SOWAHC: variants seen among roughly 807,000 people sequenced by gnomAD.
SOWAHC encodes the protein sosondowah ankyrin repeat domain family member C.
In SOWAHC, 12 loss-of-function variants were observed where a neutral mutation model predicts 14.4. The ratio of observed to expected loss-of-function variants is 0.83; its 90% confidence interval spans 0.53 to 1.35. The LOEUF (loss-of-function observed/expected upper bound fraction) is 1.35, where lower values mean the gene tolerates loss of function less well. Among genes scored for constraint, SOWAHC ranks in the 40% most tolerant of loss-of-function variants. The pLI, the probability that SOWAHC is intolerant of heterozygous loss-of-function variation, is 0.00. For synonymous variants in SOWAHC, 398 were observed against 347.0 expected, an observed-to-expected ratio of 1.15 and a Z score of -1.63; for missense variants, 771 against 752.8, an observed-to-expected ratio of 1.02 and a Z score of -0.28.
Position 109,614,900 on chromosome 2 carries a change from A to T in SOWAHC, c.411A>T (p.Gly137=), listed in dbSNP as rs527844748. 5 of 1,441,468 alleles carry T rather than the reference A, an allele frequency of 3.5e-6. No individual in the cohort carries two copies. The highest frequency in any genetic ancestry group is 4.5e-6 in the Non-Finnish European group (5 of 1,108,094). 89.3% of individuals were successfully genotyped at this position (1,441,468 alleles called of 1,614,324 possible). A position where few individuals can be genotyped will look rare whatever the true frequency, so the allele number is the denominator to read the frequency against. ...LPGQGRELGE[G]EPPAPAHWPP... is the part of the protein sequence containing the mutation. ...GACAGGGCCGCGAGCTGGGCGAGGG[A>T]GAGCCCCCCGCCCCCGCGCACTGGC... is the stretch of plus-strand genomic sequence containing the variant. The change falls in exon 1 of 1, where the codon GGA becomes GGT. Residue 137 remains glycine (G), a synonymous_variant. Transcript: ENST00000356454.
At position 109,614,954 on chromosome 2, in the gene SOWAHC, G is replaced by C. The variant is rs1228833333; in HGVS notation, c.465G>C (p.Lys155Asn). Residue 155 changes from lysine to asparagine, a missense_variant, in exon 1 of 1, where the codon AAG becomes AAC. Coordinates refer to ENST00000356454, the MANE Select transcript of SOWAHC (RefSeq NM_023016.4). ...WPPLSAGARR[K>N]NSRRDVQPLP... ...CCCTGAGCGCCGGGGCTCGCAGGAA[G>C]AACTCGCGGCGCGACGTGCAGCCCC... 3.9e-6 allele frequency: 6 copies of C among 1,525,590 alleles called. No homozygotes were observed. The highest frequency in any genetic ancestry group is 2.8e-5 in the African/African-American group (2 of 71,750). 94.5% of individuals were successfully genotyped at this position (1,525,590 alleles called of 1,614,324 possible).
Position 109,614,688 on chromosome 2 carries a change from C to T in SOWAHC, c.199C>T (p.Arg67Cys). Residue 67 changes from arginine to cysteine, a missense_variant, in exon 1 of 1, where the codon CGC (arginine) becomes TGC (cysteine). Arg to Cys is a radical substitution (Grantham distance 180). Coordinates refer to ENST00000356454, the MANE Select transcript of SOWAHC (RefSeq NM_023016.4). ...KELVNAVATV[R>C]VDPADGAKYV... ...GCTGGTGAACGCCGTGGCCACTGTGCGCGTCGATCCCGCCGACGGCGCCAA... is the reference window on the plus strand; with the variant it reads ...GCTGGTGAACGCCGTGGCCACTGTGTGCGTCGATCCCGCCGACGGCGCCAA... The T allele has an allele frequency of 6.7e-7, 1 of 1,487,540 alleles. No homozygotes were observed. The highest frequency in any genetic ancestry group is 2.9e-5 in the East Asian group (1 of 34,300). 92.1% of individuals were successfully genotyped at this position (1,487,540 alleles called of 1,614,324 possible).
Position 109,614,972 on chromosome 2 carries a change from G to A in SOWAHC, c.483G>A (p.Val161=). The A allele has an allele frequency of 6.5e-7, 1 of 1,537,402 alleles. No homozygotes were observed. Among genetic ancestry groups the A allele is most frequent in the African/African-American group, 1.4e-5 (1 of 72,870 alleles). ...GCAGGAAGAACTCGCGGCGCGACGT[G>A]CAGCCCCTACCGCGGACTCCAGCCC... ...GARRKNSRRD[V]QPLPRTPAPG... is the part of the protein sequence containing the mutation. Residue 161 remains valine (V), a synonymous_variant, in exon 1 of 1, where the codon GTG becomes GTA. Transcript: ENST00000356454.
At position 109,616,257 on chromosome 2, in the gene SOWAHC, C is replaced by G; in HGVS notation, c.*190C>G. The G allele has an allele frequency of 1.1e-6, 1 of 890,064 alleles. No homozygotes were observed. 55.1% of individuals were successfully genotyped at this position (890,064 alleles called of 1,614,324 possible). On this transcript the variant is annotated 3_prime_UTR_variant, in exon 1 of 1. Transcript: ENST00000356454. Reference sequence around the variant, plus strand: ...GTGGATGTCTTTTTCAGAGATTCATCATACCTTGACCTGTACCTCTTCTCT... The same window carrying G: ...GTGGATGTCTTTTTCAGAGATTCATGATACCTTGACCTGTACCTCTTCTCT...
rs150394866 is a variant in SOWAHC at position 109,615,314 on chromosome 2, C to G, written c.825C>G (p.Ala275=). 2 of 1,608,314 alleles carry G rather than the reference C, an allele frequency of 1.2e-6. No homozygotes were observed. Among genetic ancestry groups the G allele is most frequent in the African/African-American group, 1.3e-5 (1 of 74,934 alleles). Residue 275 remains alanine, a synonymous_variant, in exon 1 of 1, where the codon GCC becomes GCG. Coordinates refer to ENST00000356454, the MANE Select transcript of SOWAHC (RefSeq NM_023016.4). ...DPLEHAWMLS[A]SDGKWDSLEG... ...TGGAGCACGCGTGGATGCTCTCTGC[C>G]TCCGATGGCAAGTGGGACAGCCTGG... is the stretch of plus-strand genomic sequence containing the variant.
At position 109,614,456 on chromosome 2, in the gene SOWAHC, GCCGC is replaced by G; in HGVS notation, c.-29_-26del. 5.8e-6 allele frequency: 7 copies of G among 1,210,610 alleles called. No individual in the cohort carries two copies. Among genetic ancestry groups the G allele is most frequent in the Non-Finnish European group, 7.2e-6 (7 of 973,874 alleles). 75.0% of individuals were successfully genotyped at this position (1,210,610 alleles called of 1,614,324 possible). A position where few individuals can be genotyped will look rare whatever the true frequency, so the allele number is the denominator to read the frequency against. ...GCCCGTCGCTATGGGACCGCGCTGA[GCCGC>G]CCGCTGGCGGGGGAGCAGCGCGGTC... On this transcript the variant is annotated 5_prime_UTR_variant, in exon 1 of 1. Coordinates refer to ENST00000356454, the MANE Select transcript of SOWAHC (RefSeq NM_023016.4).
chr2:109,614,621 C>CCT lies in SOWAHC; in HGVS notation c.132_133insCT (p.Glu45LeufsTer17). The CCT allele has an allele frequency of 1.4e-6, 2 of 1,460,842 alleles. No homozygotes were observed. Among genetic ancestry groups the CCT allele is most frequent in the Non-Finnish European group, 1.8e-6 (2 of 1,110,318 alleles). The allele number at this position is 1,460,842 out of a possible 1,614,324, so 90.5% of individuals were successfully genotyped here. A position where few individuals can be genotyped will look rare whatever the true frequency, so the allele number is the denominator to read the frequency against. ...AGCACTTCAGGGGCGCCCTAGGCGGCGAACCGGAGCAGCGCGCCCGCGCCC... is the reference window on the plus strand; with the variant it reads ...AGCACTTCAGGGGCGCCCTAGGCGGCCTGAACCGGAGCAGCGCGCCCGCGCCC... On this transcript the variant is annotated frameshift_variant, in exon 1 of 1. Coordinates refer to ENST00000356454, the MANE Select transcript of SOWAHC (RefSeq NM_023016.4). LOFTEE classifies it low-confidence loss of function (END_TRUNC).
rs1341087780 is a variant in SOWAHC, at chr2:109,616,310, G to A, written c.*243G>A. 1.1e-5 allele frequency: 4 copies of A among 380,278 alleles called. No homozygotes were observed. The highest frequency in any genetic ancestry group is 9.1e-5 in the Admixed American group (2 of 21,972). The allele number at this position is 380,278 out of a possible 1,614,324, so 23.6% of individuals were successfully genotyped here. A position where few individuals can be genotyped will look rare whatever the true frequency, so the allele number is the denominator to read the frequency against. ...CCTCCACTTCCCTGCCCTGGAGTCC[G>A]TTTCTGGAGACTAGAAATGTATCTA... On this transcript the variant is annotated 3_prime_UTR_variant, in exon 1 of 1. Transcript: ENST00000356454.
rs1700033017 is a variant in SOWAHC at position 109,614,835 on chromosome 2, G to A, written c.346G>A (p.Asp116Asn). ...CGGCCCTGCCGGGCCCGAGGCGCGC[G>A]ATCGGCTCCCCGACGCGGCGGCCCC... Reference protein sequence around the residue: ...PDGPAGPEARDRLPDAAAPES... With the variant: ...PDGPAGPEARNRLPDAAAPES... Residue 116 changes from aspartate to asparagine, a missense_variant, in exon 1 of 1, where the codon GAT becomes AAT. By Grantham distance (23) the Asp-to-Asn change is conservative (BLOSUM62 1). Transcript: ENST00000356454. 2.8e-6 allele frequency: 4 copies of A among 1,422,426 alleles called. No homozygotes were observed. Among genetic ancestry groups the A allele is most frequent in the Non-Finnish European group, 2.7e-6 (3 of 1,096,526 alleles). The allele number at this position is 1,422,426 out of a possible 1,614,324, so 88.1% of individuals were successfully genotyped here. A position where few individuals can be genotyped will look rare whatever the true frequency, so the allele number is the denominator to read the frequency against.
Position 109,617,424 on chromosome 2 carries a change from A to G in SOWAHC, c.*1357A>G, listed in dbSNP as rs1411101229. The G allele has an allele frequency of 6.0e-6, 1 of 167,110 alleles. No homozygotes were observed. Among genetic ancestry groups the G allele is most frequent in the Non-Finnish European group, 1.5e-5 (1 of 68,126 alleles). The allele number at this position is 167,110 out of a possible 1,614,324, so 10.4% of individuals were successfully genotyped here. On this transcript the variant is annotated 3_prime_UTR_variant, in exon 1 of 1. Coordinates refer to ENST00000356454, the MANE Select transcript of SOWAHC (RefSeq NM_023016.4). ...GTTCTTAATTACATTTCATTCATTT[A>G]TATTAGAGTAAATGGCTTCATAACT...
In SOWAHC at chr2:109,614,733, A is replaced by G; in HGVS notation, c.244A>G (p.Arg82Gly). 4 of 1,487,976 alleles carry G rather than the reference A, an allele frequency of 2.7e-6. No individual in the cohort carries two copies. The highest frequency in any genetic ancestry group is 3.6e-6 in the Non-Finnish European group (4 of 1,123,952). 92.2% of individuals were successfully genotyped at this position (1,487,976 alleles called of 1,614,324 possible). ...DGAKYVHLKKRFCEGPSEPSG... is the reference protein window; with the variant it reads ...DGAKYVHLKKGFCEGPSEPSG... Reference sequence around the variant, plus strand: ...CGCCAAGTACGTGCACCTCAAGAAGAGGTTCTGTGAAGGGCCGTCCGAGCC... The same window carrying G: ...CGCCAAGTACGTGCACCTCAAGAAGGGGTTCTGTGAAGGGCCGTCCGAGCC... Residue 82 changes from arginine to glycine, a missense_variant, in exon 1 of 1, where the codon AGG becomes GGG. Coordinates refer to ENST00000356454, the MANE Select transcript of SOWAHC (RefSeq NM_023016.4).
rs1367106352 is a variant in SOWAHC, at chr2:109,614,771, G to A, written c.282G>A (p.Pro94=). The change falls in exon 1 of 1, where the codon CCG becomes CCA. Residue 94 remains proline (P), a synonymous_variant. Coordinates refer to ENST00000356454, the MANE Select transcript of SOWAHC (RefSeq NM_023016.4). The part of the protein sequence containing the change: ...CEGPSEPSGD[P]PRIQVTAEPE... The stretch of plus-strand genomic sequence containing the variant: ...GGCCGTCCGAGCCCTCCGGGGACCC[G>A]CCGCGAATCCAGGTGACCGCCGAGC... The A allele has an allele frequency of 1.4e-5, 21 of 1,478,618 alleles. No homozygotes were observed. The highest frequency in any genetic ancestry group is 1.8e-5 in the Non-Finnish European group (20 of 1,120,010). 91.6% of individuals were successfully genotyped at this position (1,478,618 alleles called of 1,614,324 possible). A position where few individuals can be genotyped will look rare whatever the true frequency, so the allele number is the denominator to read the frequency against.
rs1700066011 is a variant in SOWAHC, at chr2:109,615,137, G to A, written c.648G>A (p.Leu216=). The change falls in exon 1 of 1, where the codon CTG becomes CTA. Residue 216 remains leucine (L), a synonymous_variant. Coordinates refer to ENST00000356454, the MANE Select transcript of SOWAHC (RefSeq NM_023016.4). ...TGGTGATGGGCAGCTCCCCGCAGCT[G>A]AAGAGGAGCGTGTGTCCCGGGGGCA... The part of the protein sequence containing the change: ...RDLVMGSSPQ[L]KRSVCPGGSS... 1.9e-6 allele frequency: 3 copies of A among 1,549,702 alleles called. No individual in the cohort carries two copies. The highest frequency in any genetic ancestry group is 2.4e-5 in the East Asian group (1 of 40,898).
Position 109,616,107 on chromosome 2 carries a change from T to G in SOWAHC, c.*40T>G. ...AGAAAATGCAAAGGTTTATTTGTCTTAATAAATTGAATACTAGGTGTTGTA... is the reference window on the plus strand; with the variant it reads ...AGAAAATGCAAAGGTTTATTTGTCTGAATAAATTGAATACTAGGTGTTGTA... On this transcript the variant is annotated 3_prime_UTR_variant, in exon 1 of 1. Transcript: ENST00000356454. 6.9e-7 allele frequency: 1 copy of G among 1,451,930 alleles called. No homozygotes were observed. Among genetic ancestry groups the G allele is most frequent in the Middle Eastern group, 2.3e-4 (1 of 4,422 alleles). 89.9% of individuals were successfully genotyped at this position (1,451,930 alleles called of 1,614,324 possible). A position where few individuals can be genotyped will look rare whatever the true frequency, so the allele number is the denominator to read the frequency against.
rs1476103531 is a variant in SOWAHC at position 109,614,975 on chromosome 2, G to GC, written c.490dup (p.Leu164ProfsTer44). The GC allele has an allele frequency of 1.5e-5, 23 of 1,538,128 alleles. No homozygotes were observed. The highest frequency in any genetic ancestry group is 1.9e-5 in the Non-Finnish European group (22 of 1,145,472). The stretch of plus-strand genomic sequence containing the variant: ...GGAAGAACTCGCGGCGCGACGTGCA[G>GC]CCCCTACCGCGGACTCCAGCCCCGG... On this transcript the variant is annotated frameshift_variant, in exon 1 of 1. Coordinates refer to ENST00000356454, the MANE Select transcript of SOWAHC (RefSeq NM_023016.4). LOFTEE classifies it low-confidence loss of function (END_TRUNC).
rs1278545136 is a variant in SOWAHC at position 109,618,901 on chromosome 2, C to T, written c.*2834C>T. 6.0e-6 allele frequency: 1 copy of T among 166,928 alleles called. No homozygotes were observed. The highest frequency in any genetic ancestry group is 1.5e-5 in the Non-Finnish European group (1 of 68,090). 10.3% of individuals were successfully genotyped at this position (166,928 alleles called of 1,614,324 possible). On this transcript the variant is annotated 3_prime_UTR_variant, in exon 1 of 1. Transcript: ENST00000356454. ...CCTGCAATCTTGGAGTCTAGGTTGC[C>T]TTGTCTCTCCTATTTTTAAATAAGT...
rs1700173462 is a variant in SOWAHC at position 109,618,156 on chromosome 2, C to T, written c.*2089C>T. 6.0e-6 allele frequency: 1 copy of T among 166,860 alleles called. No homozygotes were observed. Among genetic ancestry groups the T allele is most frequent in the Non-Finnish European group, 1.5e-5 (1 of 68,094 alleles). 10.3% of individuals were successfully genotyped at this position (166,860 alleles called of 1,614,324 possible). On this transcript the variant is annotated 3_prime_UTR_variant, in exon 1 of 1. Transcript: ENST00000356454. ...GCATACATGTGGGTGAAAAACCAAT[C>T]TAATTTTGTATAAATAAAAACAGGC...
At position 109,616,142 on chromosome 2, in the gene SOWAHC, G is replaced by A; in HGVS notation, c.*75G>A. 2.8e-6 allele frequency: 4 copies of A among 1,412,212 alleles called. No homozygotes were observed. Among genetic ancestry groups the A allele is most frequent in the Non-Finnish European group, 3.7e-6 (4 of 1,083,718 alleles). 87.5% of individuals were successfully genotyped at this position (1,412,212 alleles called of 1,614,324 possible). ...AATACTAGGTGTTGTAAGGAAGTGA[G>A]ACCAGAAGGACAAGCTAAATTATGC... is the stretch of plus-strand genomic sequence containing the variant. On this transcript the variant is annotated 3_prime_UTR_variant, in exon 1 of 1. Transcript: ENST00000356454.
chr2:109,617,852 C>G lies in SOWAHC; in HGVS notation c.*1785C>G, dbSNP rs539613517. On this transcript the variant is annotated 3_prime_UTR_variant, in exon 1 of 1. Coordinates refer to ENST00000356454, the MANE Select transcript of SOWAHC (RefSeq NM_023016.4). ...TGGCCAACATGGTGAAAACCTGTCT[C>G]TACTAAAAATACAAAAATTAGCCGA... 1.3e-5 allele frequency: 2 copies of G among 158,884 alleles called. No homozygotes were observed. The highest frequency in any genetic ancestry group is 4.8e-5 in the African/African-American group (2 of 41,372). 9.8% of individuals were successfully genotyped at this position (158,884 alleles called of 1,614,324 possible). A position where few individuals can be genotyped will look rare whatever the true frequency, so the allele number is the denominator to read the frequency against.
Sources: allele counts gnomAD v4.1 joint callset, GRCh38; gene constraint gnomAD v4.1.1; transcripts MANE v1.5; gene names NCBI Gene and HGNC (gene_info 2026-07-23, HGNC 2026-07-21).